The following GRIK2 variants were observed in gnomAD, a reference collection of about 807,000 sequenced individuals.
GRIK2 encodes glutamate receptor ionotropic, kainate 2.
In GRIK2, 32 loss-of-function variants were observed where a neutral mutation model predicts 100.3. The ratio of observed to expected loss-of-function variants is 0.32; its 90% CI spans 0.24 to 0.43. The LOEUF is 0.43. GRIK2 is among the 20% of genes least tolerant of loss of function. GRIK2 has a pLI of 1.00. For missense variants in GRIK2, 843 were observed against 1,114.9 expected (o/e 0.76, Z 3.47); for synonymous variants, 417 against 389.4 (o/e 1.07, Z -0.83).
chr6:101,471,137 A>G (rs1270307325), intron 2 of GRIK2, among the ~76,000 whole-genome samples: 2 of 152,104 alleles, frequency 1.3e-5, no homozygotes, highest in South Asian at 2.1e-4. Flanking sequence ...CCTGGACTTG[A>G]CATCAGAAAA....
intron 4 of GRIK2, among the ~76,000 whole-genome samples, chr6:101,643,255 C>G (rs1781364043): frequency 6.6e-6 from 1 of 151,254 alleles, no homozygotes; most frequent in African/African-American, 2.4e-5. Context: ...TTTTTTTAAA[C>G]CTATACTTTT....
intron 2 of GRIK2, among the ~76,000 whole-genome samples, chr6:101,474,036 A>G (rs1421772102): frequency 6.6e-6 from 1 of 151,724 alleles, no homozygotes; most frequent in African/African-American, 2.4e-5. Context: ...CTCCTCTCCC[A>G]TACACTGACC....
chr6:101,900,623 C>T (rs960905460), intron 12 of GRIK2, among the ~76,000 whole-genome samples: 1 of 151,914 alleles, frequency 6.6e-6, no homozygotes, highest in Non-Finnish European at 1.5e-5. Context: ...AATAGAGTGT[C>T]TATTTTCAAA....
rs774158892 is a variant in GRIK2 at position 101,799,675 on chromosome 6, G to A, written c.979G>A (p.Val327Met). ...TTDAALMYDA[V>M]HVVSVAVQQF... ...TGATGCTGCTCTAATGTATGATGCTGTGCATGTGGTGTCTGTGGCCGTTCA... is the reference window on the plus strand; with the variant it reads ...TGATGCTGCTCTAATGTATGATGCTATGCATGTGGTGTCTGTGGCCGTTCA... The change falls in exon 8 of 17, where the codon GTG becomes ATG. Residue 327 changes from valine to methionine, a missense_variant. Coordinates refer to ENST00000369134, the MANE Select transcript of GRIK2 (RefSeq NM_021956.5). 3 of 1,612,918 alleles carry A rather than the reference G, an allele frequency of 1.9e-6. No individual in the cohort carries two copies. Among genetic ancestry groups the A allele is most frequent in the Non-Finnish European group, 2.5e-6 (3 of 1,179,058 alleles).
intron 11 of GRIK2, among the ~76,000 whole-genome samples, chr6:101,886,768 C>T (rs560565209): frequency 8.0e-4 from 121 of 151,574 alleles, no homozygotes; most frequent in Non-Finnish European, 1.3e-3. Flanking sequence ...CAACCTTTCC[C>T]GCTACCCCTA....
intron 2 of GRIK2, among the ~76,000 whole-genome samples, chr6:101,490,620 C>T (rs148120955): frequency 6.8e-6 from 1 of 146,742 alleles, no homozygotes; most frequent in African/African-American, 2.6e-5. Flanking sequence ...GAGGCATTAA[C>T]GTAAGATAAA....
chr6:101,598,592 T>TAAAAAAAAAAAA (rs75603851), intron 2 of GRIK2, among the ~76,000 whole-genome samples: 7 of 82,390 alleles, frequency 8.5e-5, no homozygotes, highest in African/African-American at 1.0e-4. Context: ...TCTTCCTTAA[T>TAAAAAAAAAAAA]AAAAAAAAAA....
chr6:102,000,544 A>C (rs2114257204), intron 14 of GRIK2, among the ~76,000 whole-genome samples: 1 of 152,164 alleles, frequency 6.6e-6, no homozygotes, highest in East Asian at 1.9e-4. Flanking sequence ...GTTTTTAATG[A>C]CAAGTTCTGT....
chr6:101,456,205 T>G (rs1364251181), intron 2 of GRIK2, among the ~76,000 whole-genome samples: 1 of 151,948 alleles, frequency 6.6e-6, no homozygotes, highest in Non-Finnish European at 1.5e-5. Context: ...ACTAACATTA[T>G]AATTTTGGTG....
At chr6:101,890,881 GT>G (rs1787009203) in intron 12 of GRIK2, among the ~76,000 whole-genome samples, 1 of 150,006 alleles carries the variant, frequency 6.7e-6, no homozygotes, top group Non-Finnish European at 1.5e-5. Flanking sequence ...GAATTTTTAC[GT>G]TTTTTTAAAT....
At chr6:101,971,904 A>G (rs547549551) in intron 14 of GRIK2, among the ~76,000 whole-genome samples, 4 of 152,082 alleles carry the variant, frequency 2.6e-5, no homozygotes, top group East Asian at 1.9e-4. Context: ...AGCTGCATGC[A>G]TGTTGCTGCA....
intron 2 of GRIK2, among the ~76,000 whole-genome samples, chr6:101,531,999 A>G (rs1775465715): frequency 6.6e-6 from 1 of 151,878 alleles, no homozygotes; most frequent in Non-Finnish European, 1.5e-5. Flanking sequence ...AGAAAACAAA[A>G]TTGTCTTTAT....
intron 12 of GRIK2, among the ~76,000 whole-genome samples, chr6:101,909,282 A>C (rs1247684730): frequency 6.6e-6 from 1 of 150,606 alleles, no homozygotes; most frequent in Non-Finnish European, 1.5e-5. Context: ...ATAAATCTCT[A>C]TAAATAGGAA....
chr6:102,060,563 A>G (rs954462918), intron 16 of GRIK2, among the ~76,000 whole-genome samples: 1 of 150,816 alleles, frequency 6.6e-6, no homozygotes, highest in African/African-American at 2.4e-5. Flanking sequence ...TAGTTCTAAC[A>G]GGAGCAATGC....
At chr6:101,848,972 T>G (rs1292916838) in intron 10 of GRIK2, among the ~76,000 whole-genome samples, 1 of 152,034 alleles carries the variant, frequency 6.6e-6, no homozygotes, top group Non-Finnish European at 1.5e-5. Context: ...GAAGAATACC[T>G]TTTACCCATA....
chr6:102,054,289 A>G (rs1261982358), intron 15 of GRIK2, among the ~76,000 whole-genome samples: 1 of 152,184 alleles, frequency 6.6e-6, no homozygotes, highest in Non-Finnish European at 1.5e-5. Context: ...ATGTGGACAC[A>G]TTTAAATCAA....
chr6:101,580,986 CCT>C (rs1778054511), intron 2 of GRIK2, among the ~76,000 whole-genome samples: 1 of 151,688 alleles, frequency 6.6e-6, no homozygotes, highest in African/African-American at 2.4e-5. Context: ...CAATAATTAC[CCT>C]CTCTCATCCT....
At chr6:101,804,308 T>G (rs1780853405) in intron 9 of GRIK2, among the ~76,000 whole-genome samples, 1 of 151,988 alleles carries the variant, frequency 6.6e-6, no homozygotes, top group Admixed American at 6.6e-5. Context: ...AAATGCTAGA[T>G]TTTAGTCATA....
At chr6:101,896,490 A>G (rs1259531822) in intron 12 of GRIK2, among the ~76,000 whole-genome samples, 3 of 151,806 alleles carry the variant, frequency 2.0e-5, no homozygotes, top group African/African-American at 4.8e-5. Context: ...AAGGATAAAC[A>G]TGCTTATTTA....
Sources: allele counts gnomAD v4.1 joint callset (sites outside exome capture counted in the v4.1 genomes callset), GRCh38; gene constraint gnomAD v4.1.1; transcripts MANE v1.5; gene names NCBI Gene and HGNC (gene_info 2026-07-23, HGNC 2026-07-21).